ORMDL3: variants seen among roughly 807,000 people sequenced by gnomAD.
ORMDL3 encodes the protein ORMDL sphingolipid biosynthesis regulator 3.
ORMDL3 carries 6 observed loss-of-function variants against 12.6 expected under a neutral mutation model. The ratio of observed to expected loss-of-function variants is 0.48; its 90% CI spans 0.26 to 0.94. The LOEUF (loss-of-function observed/expected upper bound fraction) is 0.94, where lower values mean the gene tolerates loss of function less well. Ranked by LOEUF, ORMDL3 falls within the 40% of genes least tolerant of loss-of-function variation. ORMDL3 has a pLI of 0.14. For missense variants in ORMDL3, 159 were observed against 205.5 expected (o/e 0.77, Z 1.38); for synonymous variants, 99 against 87.2 (o/e 1.14, Z -0.75).
chr17:39,922,444 C>T lies in ORMDL3; in HGVS notation c.*106G>A, dbSNP rs965465623. The T allele has an allele frequency of 5.9e-6, 8 of 1,356,840 alleles. No individual in the cohort carries two copies. In the African/African-American group the frequency reaches 1.2e-4, roughly 20 times the overall value. 84.1% of individuals were successfully genotyped at this position (1,356,840 alleles called of 1,614,324 possible). A position where few individuals can be genotyped will look rare whatever the true frequency, so the allele number is the denominator to read the frequency against. On this transcript the variant is annotated 3_prime_UTR_variant, in exon 4 of 4. Coordinates refer to ENST00000304046, the MANE Select transcript of ORMDL3 (RefSeq NM_139280.4). ...ATTAGGCCAGAGGCTCAACCCCCAT[C>T]TCTGGCAGTGTCCAGAGGCTTCTTC...
At chr17:39,924,994 G>A (rs1024200387) in intron 1 of ORMDL3, among the ~76,000 whole-genome samples, 1 of 152,250 alleles carries the variant, frequency 6.6e-6, no homozygotes, top group South Asian at 2.1e-4. Flanking sequence ...CCACTCCACT[G>A]CCAAACCACC....
At position 39,924,013 on chromosome 17, in the gene ORMDL3, A is replaced by G. The variant is rs111318445; in HGVS notation, c.174+17T>C. ...GGCAGGGGCAGGGGCAGGGGCAGGC[A>G]GCAGACAGGCTCTCACCATGTTGTG... On this transcript the variant is annotated intron_variant, in intron 2 of 3. Transcript: ENST00000304046. 22 of 1,581,998 alleles carry G rather than the reference A, an allele frequency of 1.4e-5. No homozygotes were observed. In the African/African-American group the frequency reaches 1.7e-4, roughly 13 times the overall value.
Position 39,921,579 on chromosome 17 carries a change from A to C in ORMDL3, c.*971T>G, listed in dbSNP as rs1309108098. The C allele has an allele frequency of 6.6e-6, 1 of 152,510 alleles. No individual in the cohort carries two copies. Among genetic ancestry groups the C allele is most frequent in the East Asian group, 1.9e-4 (1 of 5,340 alleles). 9.4% of individuals were successfully genotyped at this position (152,510 alleles called of 1,614,324 possible). The stretch of plus-strand genomic sequence containing the variant: ...CACAGCTTCCCCATACCCCCGCAGG[A>C]GTCAGGGCCAAGTTGGACCTGTGCT... On this transcript the variant is annotated 3_prime_UTR_variant, in exon 4 of 4. Transcript: ENST00000304046.
At chr17:39,923,628 G>A (rs1978316421) in intron 2 of ORMDL3, among the ~76,000 whole-genome samples, 1 of 152,164 alleles carries the variant, frequency 6.6e-6, no homozygotes, top group Non-Finnish European at 1.5e-5. Flanking sequence ...AGTGGTGAGG[G>A]AGCAGAGAAG....
At chr17:39,925,682 GT>G (rs1017763727) in intron 1 of ORMDL3, 56 of 152,328 alleles carry the variant, frequency 3.7e-4, no homozygotes, top group African/African-American at 1.2e-3. Context: ...ACAGGAGCAA[GT>G]TTCCTCTTCT....
intron 1 of ORMDL3, chr17:39,927,099 T>G: frequency 2.5e-6 from 2 of 794,108 alleles, no homozygotes; most frequent in Non-Finnish European, 3.1e-6. Flanking sequence ...AGACCTCGGG[T>G]GCGGGGCCGG....
Position 39,922,470 on chromosome 17 carries a change from T to A in ORMDL3, c.*80A>T. The A allele has an allele frequency of 6.7e-7, 1 of 1,492,082 alleles. No individual in the cohort carries two copies. The highest frequency in any genetic ancestry group is 9.0e-7 in the Non-Finnish European group (1 of 1,110,010). 92.4% of individuals were successfully genotyped at this position (1,492,082 alleles called of 1,614,324 possible). A position where few individuals can be genotyped will look rare whatever the true frequency, so the allele number is the denominator to read the frequency against. ...TCTGGCAGTGTCCAGAGGCTTCTTC[T>A]TTCTGTCTTCAGTGTTGCAGCACAT... On this transcript the variant is annotated 3_prime_UTR_variant, in exon 4 of 4. Transcript: ENST00000304046.
rs937703854 is a variant in ORMDL3, at chr17:39,923,000, C to T, written c.326+112G>A. 4 of 1,393,738 alleles carry T rather than the reference C, an allele frequency of 2.9e-6. No individual in the cohort carries two copies. The Admixed American group carries it at 8.0e-5, about 28-fold the overall frequency. The allele number at this position is 1,393,738 out of a possible 1,614,324, so 86.3% of individuals were successfully genotyped here. A position where few individuals can be genotyped will look rare whatever the true frequency, so the allele number is the denominator to read the frequency against. ...AGACCCAGGAATATTCCAACTTCCT[C>T]TGTTCATCCCTACACCAGGAGCCAC... On this transcript the variant is annotated intron_variant, in intron 3 of 3. Coordinates refer to ENST00000304046, the MANE Select transcript of ORMDL3 (RefSeq NM_139280.4).
At chr17:39,927,003 G>A in intron 1 of ORMDL3, 1 of 985,714 alleles carries the variant, frequency 1.0e-6, no homozygotes, top group Non-Finnish European at 1.2e-6. Context: ...GGAGCGGAAA[G>A]CGAGTGCCCA....
rs192181497 is a variant in ORMDL3 at position 39,922,498 on chromosome 17, C to T, written c.*52G>A. The T allele has an allele frequency of 2.6e-4, 415 of 1,583,118 alleles. No individual in the cohort carries two copies. In the African/African-American group the frequency reaches 5.2e-3, roughly 20 times the overall value. On this transcript the variant is annotated 3_prime_UTR_variant, in exon 4 of 4. Transcript: ENST00000304046. Reference sequence around the variant, plus strand: ...CTGTCTTCAGTGTTGCAGCACATGCCTTTTACCCTACCCCTCCCCTGCCAC... The same window carrying T: ...CTGTCTTCAGTGTTGCAGCACATGCTTTTTACCCTACCCCTCCCCTGCCAC...
At chr17:39,925,141 C>G (rs111935829) in intron 1 of ORMDL3, 5,215 of 152,620 alleles carry the variant, frequency 0.034, 158 homozygotes, top group Non-Finnish European at 0.049. Context: ...CTCCTGCCCC[C>G]GTTCTTCTCT....
At chr17:39,927,350 C>T (rs1330314741) in intron 1 of ORMDL3, 134 bp downstream of exon 1, 2 of 593,672 alleles carry the variant, frequency 3.4e-6, no homozygotes, top group African/African-American at 2.0e-5. Flanking sequence ...TGCACCCCCT[C>T]GGCTGATGCA....
intron 1 of ORMDL3, chr17:39,926,428 C>T (rs925732195): frequency 2.6e-5 from 4 of 152,288 alleles, no homozygotes; most frequent in Non-Finnish European, 5.9e-5. Flanking sequence ...ATACATATCA[C>T]TTCCATTAGT....
At chr17:39,925,860 C>G (rs1052014118) in intron 1 of ORMDL3, 4 of 152,238 alleles carry the variant, frequency 2.6e-5, no homozygotes, top group African/African-American at 9.7e-5. Context: ...AACAGAAATT[C>G]AAGTATCTAG....
intron 1 of ORMDL3, 46 bp downstream of exon 1, chr17:39,927,438 C>T (rs981592584): frequency 6.4e-5 from 63 of 985,608 alleles, no homozygotes; most frequent in Non-Finnish European, 7.3e-5. Flanking sequence ...CCTTCTCTCC[C>T]GCCCCTCCCG....
chr17:39,921,306 C>A lies in ORMDL3; in HGVS notation c.*1244G>T. 1 of 152,814 alleles carries A rather than the reference C, an allele frequency of 6.5e-6. No homozygotes were observed. Among genetic ancestry groups the A allele is most frequent in the Non-Finnish European group, 1.5e-5 (1 of 68,296 alleles). The allele number at this position is 152,814 out of a possible 1,614,324, so 9.5% of individuals were successfully genotyped here. The stretch of plus-strand genomic sequence containing the variant: ...AACTGGGGAGGGGAGAAGGCTCCAG[C>A]CCAGGCTCAGGCTCCCGGCCTCACT... On this transcript the variant is annotated 3_prime_UTR_variant, in exon 4 of 4. Transcript: ENST00000304046.
In ORMDL3 at chr17:39,922,574, C is replaced by T; in HGVS notation, c.438G>A (p.Arg146=). The T allele has an allele frequency of 6.2e-7, 1 of 1,614,144 alleles. No homozygotes were observed. The highest frequency in any genetic ancestry group is 8.5e-7 in the Non-Finnish European group (1 of 1,179,988). The change falls in exon 4 of 4, where the codon CGG becomes CGA. Residue 146 remains arginine, a synonymous_variant. Transcript: ENST00000304046. The part of the protein sequence containing the change: ...IPKLPQLHGV[R]IFGINKY The stretch of plus-strand genomic sequence containing the variant: ...CTCAGTACTTATTGATTCCAAAAAT[C>T]CGGACTCCGTGGAGCTGGGGCAGCT...
intron 2 of ORMDL3, 24 bp downstream of exon 2, chr17:39,924,006 G>A: frequency 6.4e-7 from 1 of 1,574,260 alleles, no homozygotes; most frequent in South Asian, 1.2e-5. Context: ...CAGGGGCAGG[G>A]GCAGGCAGCA....
chr17:39,922,770 A>C, intron 3 of ORMDL3, 85 bp from the exon 4 acceptor site: 1 of 1,483,140 alleles, frequency 6.7e-7, no homozygotes, highest in East Asian at 2.3e-5. Context: ...GAAAGGCAGA[A>C]TCCCAACAGC....
Sources: allele counts gnomAD v4.1 joint callset (sites outside exome capture counted in the v4.1 genomes callset), GRCh38; gene constraint gnomAD v4.1.1; transcripts MANE v1.5; gene names NCBI Gene and HGNC (gene_info 2026-07-23, HGNC 2026-07-21).